Variants in OXR1 observed in about 807,000 individuals in gnomAD.
The protein encoded by OXR1 is oxidation resistance 1, also known as oxidation resistance protein 1.
OXR1 carries 41 observed loss-of-function variants against 104.6 expected under a neutral mutation model. The observed-to-expected ratio is 0.39, with a 90% CI of 0.31 to 0.51. The LOEUF (loss-of-function observed/expected upper bound fraction) is 0.51. Among genes scored for constraint, OXR1 ranks in the 20% least tolerant of loss-of-function variants. OXR1 has a pLI of 0.77. For synonymous variants in OXR1, 348 were observed against 348.4 expected (o/e 1.00, Z 0.01); for missense variants, 955 against 1,031.9 (o/e 0.93, Z 1.02).
At chr8:106,350,006 G>T (rs936911837) in intron 1 of OXR1, among the ~76,000 whole-genome samples, 2 of 152,090 alleles carry the variant, frequency 1.3e-5, no homozygotes, top group Non-Finnish European at 2.9e-5. Context: ...GTGGGTATAG[G>T]GTAATAGTTG....
chr8:106,605,335 T>A (rs1820288009), intron 3 of OXR1: 1 of 152,162 alleles, frequency 6.6e-6, no homozygotes, highest in Admixed American at 6.5e-5. Context: ...CTGGTTTCTG[T>A]CTTAGGTCTA....
At chr8:106,276,799 T>C (rs1812064467) in intron 1 of OXR1, among the ~76,000 whole-genome samples, 1 of 151,598 alleles carries the variant, frequency 6.6e-6, no homozygotes, top group Non-Finnish European at 1.5e-5. Flanking sequence ...CTAATTATGT[T>C]CAATTCAGGT....
In OXR1 at chr8:106,468,067, A is replaced by T. The variant is rs114323455; in HGVS notation, c.24-50876A>T. On this transcript the variant is annotated intron_variant, in intron 2 of 16. Coordinates refer to ENST00000517566, the MANE Select transcript of OXR1 (RefSeq NM_001198533.2). ...TGGTGGTAATGATTATGGGAATGAG[A>T]CAGGAAGACAGGAAGATAAGTAGCA... Among the ~76,000 whole-genome samples, 775 of 151,844 alleles carry T rather than the reference A, an allele frequency of 5.1e-3. 7 individuals are homozygous for T. Among genetic ancestry groups the T allele is most frequent in the African/African-American group, 0.018 (748 of 41,484 alleles).
chr8:106,748,548 C>G (rs990473719), intron 16 of OXR1, among the ~76,000 whole-genome samples: 2 of 129,058 alleles, frequency 1.5e-5, no homozygotes, highest in African/African-American at 5.8e-5. Context: ...TTGTGAAGTA[C>G]CAACTCTTTT....
intron 7 of OXR1, among the ~76,000 whole-genome samples, chr8:106,699,066 T>C (rs1830346965): frequency 6.6e-6 from 1 of 152,366 alleles, no homozygotes; most frequent in African/African-American, 2.4e-5. Context: ...GGCTTGTTCA[T>C]AAGTTTTGTT....
At chr8:106,391,148 A>G (rs1490526158) in intron 2 of OXR1, among the ~76,000 whole-genome samples, 1 of 152,224 alleles carries the variant, frequency 6.6e-6, no homozygotes, top group Non-Finnish European at 1.5e-5. Context: ...CCGTGAGTTG[A>G]TAATTATTAA....
At chr8:106,508,393 A>T (rs1194980674) in intron 2 of OXR1, among the ~76,000 whole-genome samples, 1 of 152,132 alleles carries the variant, frequency 6.6e-6, no homozygotes, top group African/African-American at 2.4e-5. Context: ...ACTTGGTTGT[A>T]TTGGGAGCAC....
intron 3 of OXR1, among the ~76,000 whole-genome samples, chr8:106,646,678 A>G (rs1248392200): frequency 6.6e-6 from 1 of 152,042 alleles, no homozygotes; most frequent in Non-Finnish European, 1.5e-5. Flanking sequence ...AGATAAAAAG[A>G]CAGAGGGTAA....
intron 2 of OXR1, among the ~76,000 whole-genome samples, chr8:106,390,355 G>A (rs1817544521): frequency 6.6e-6 from 1 of 152,158 alleles, no homozygotes; most frequent in South Asian, 2.1e-4. Flanking sequence ...AGGAGGAGAA[G>A]GGGAGTGTAT....
At chr8:106,690,116 G>A (rs894425099) in intron 6 of OXR1, among the ~76,000 whole-genome samples, 1 of 149,920 alleles carries the variant, frequency 6.7e-6, no homozygotes, top group Non-Finnish European at 1.5e-5. Context: ...TATATAAATC[G>A]TAATTTTTTC....
intron 2 of OXR1, among the ~76,000 whole-genome samples, chr8:106,436,184 C>T (rs16874617): frequency 0.23 from 34,381 of 151,948 alleles, 5,403 homozygotes; most frequent in African/African-American, 0.42. Flanking sequence ...TTTCATGTCT[C>T]CTGTTTATGT....
chr8:106,478,622 G>T (rs1240847456), intron 2 of OXR1, among the ~76,000 whole-genome samples: 1 of 151,796 alleles, frequency 6.6e-6, no homozygotes, highest in Non-Finnish European at 1.5e-5. Context: ...GTTAAATCCA[G>T]AAAAACAGAA....
intron 1 of OXR1, among the ~76,000 whole-genome samples, chr8:106,329,223 C>G (rs11995434): frequency 0.23 from 34,223 of 151,512 alleles, 5,637 homozygotes; most frequent in African/African-American, 0.47. Flanking sequence ...AACTCCTGAC[C>G]TCAGGTGATC....
chr8:106,371,012 G>A (rs1816683215), intron 2 of OXR1, among the ~76,000 whole-genome samples: 1 of 151,498 alleles, frequency 6.6e-6, no homozygotes, highest in Non-Finnish European at 1.5e-5. Context: ...ATTCAGCTGT[G>A]AATTCGTCTG....
chr8:106,634,064 T>C (rs1474996843), intron 3 of OXR1, among the ~76,000 whole-genome samples: 3 of 152,230 alleles, frequency 2.0e-5, no homozygotes, highest in Non-Finnish European at 4.4e-5. Flanking sequence ...TTTTACATAG[T>C]ACCATTTTGT....
rs55917847 is a variant in OXR1, at chr8:106,576,466, CAAAAA to C, written c.220+57342_220+57346del. Among the ~76,000 whole-genome samples the C allele has an allele frequency of 1.6e-4, 18 of 112,454 alleles. No homozygotes were observed. In the East Asian group the frequency reaches 3.5e-3, roughly 22 times the overall value. 73.8% of individuals were successfully genotyped at this position (112,454 alleles called of 152,430 possible). A position where few individuals can be genotyped will look rare whatever the true frequency, so the allele number is the denominator to read the frequency against. On this transcript the variant is annotated intron_variant, in intron 3 of 16. Coordinates refer to ENST00000517566, the MANE Select transcript of OXR1 (RefSeq NM_001198533.2). The stretch of plus-strand genomic sequence containing the variant: ...TGCTTATAATGGTAGCACAGTTATT[CAAAAA>C]AAAAAAAAAAAAAAGAAAACATCAA...
chr8:106,288,709 A>G (rs1473721842), intron 1 of OXR1, among the ~76,000 whole-genome samples: 1 of 122,894 alleles, frequency 8.1e-6, no homozygotes, highest in African/African-American at 3.3e-5. Context: ...ATATTTATAT[A>G]TTATATATAT....
intron 2 of OXR1, among the ~76,000 whole-genome samples, chr8:106,362,031 A>G (rs1816267525): frequency 1.3e-5 from 2 of 152,172 alleles, no homozygotes; most frequent in East Asian, 1.9e-4. Flanking sequence ...ACTTGGCAGG[A>G]TACACCTGTC....
intron 1 of OXR1, among the ~76,000 whole-genome samples, chr8:106,313,104 T>G (rs762207771): frequency 1.3e-5 from 2 of 152,176 alleles, no homozygotes; most frequent in Non-Finnish European, 2.9e-5. Flanking sequence ...AGTAGTCATT[T>G]CTTATTTTTT....
Sources: allele counts gnomAD v4.1 joint callset (sites outside exome capture counted in the v4.1 genomes callset), GRCh38; gene constraint gnomAD v4.1.1; transcripts MANE v1.5; gene names NCBI Gene and HGNC (gene_info 2026-07-23, HGNC 2026-07-21).